Variants in PIAS2 observed in about 807,000 individuals in gnomAD.
PIAS2 encodes the protein protein inhibitor of activated STAT 2, also known as E3 SUMO-protein ligase PIAS2.
Under a neutral mutation model 69.7 loss-of-function variants are expected in PIAS2, and 19 were observed. That is an observed-to-expected ratio of 0.27 (90% confidence interval 0.19 to 0.40). PIAS2 has a LOEUF of 0.40. Ranked by LOEUF, PIAS2 falls within the 10% of genes least tolerant of loss-of-function variation. The pLI, the probability that PIAS2 is intolerant of heterozygous loss-of-function variation, is 1.00. For missense variants in PIAS2, 624 were observed against 757.0 expected (o/e 0.82, Z 2.06); for synonymous variants, 261 against 263.2 (o/e 0.99, Z 0.08).
In PIAS2 at chr18:46,870,615, C is replaced by CAAAAAAA. The variant is rs58099640; in HGVS notation, c.500-6374_500-6368dup. On this transcript the variant is annotated intron_variant, in intron 2 of 13. Coordinates refer to ENST00000585916, the MANE Select transcript of PIAS2 (RefSeq NM_004671.5). ...TGGGCAACAGAGCAAGACTCCGTCT[C>CAAAAAAA]AAAAAAAAAAAAAAAAAAAAAAAAA... 7.5e-4 allele frequency among the ~76,000 whole-genome samples: 41 copies of CAAAAAAA among 54,934 alleles called. 3 individuals carry two copies. The highest frequency in any genetic ancestry group is 2.1e-3 in the South Asian group (2 of 942). 36.0% of individuals were successfully genotyped at this position (54,934 alleles called of 152,430 possible). A position where few individuals can be genotyped will look rare whatever the true frequency, so the allele number is the denominator to read the frequency against.
rs1465519651 is a variant in PIAS2 at position 46,805,184 on chromosome 18, C to G, written c.*7249G>C. The G allele has an allele frequency of 6.6e-6, 1 of 152,134 alleles. No individual in the cohort carries two copies. Among genetic ancestry groups the G allele is most frequent in the Non-Finnish European group, 1.5e-5 (1 of 68,038 alleles). The allele number at this position is 152,134 out of a possible 1,614,324, so 9.4% of individuals were successfully genotyped here. A position where few individuals can be genotyped will look rare whatever the true frequency, so the allele number is the denominator to read the frequency against. On this transcript the variant is annotated 3_prime_UTR_variant, in exon 14 of 14. Transcript: ENST00000585916. ...GATGAGAATGGGCAAAGGAACTATG[C>G]TACGTCATGTCGGAGGATGGATAGG...
At chr18:46,869,782 CA>C (rs1221948824) in intron 2 of PIAS2, among the ~76,000 whole-genome samples, 1 of 152,146 alleles carries the variant, frequency 6.6e-6, no homozygotes, top group African/African-American at 2.4e-5. Flanking sequence ...GCCAAAGTTT[CA>C]GTCAAATGAG....
chr18:46,905,091 G>A (rs377389488), intron 1 of PIAS2, among the ~76,000 whole-genome samples: 11 of 152,156 alleles, frequency 7.2e-5, no homozygotes, highest in East Asian at 3.9e-4. Context: ...GTCTCTTCAT[G>A]TACAAATAAA....
At chr18:46,857,028 CAATT>C (rs968900852) in intron 3 of PIAS2, among the ~76,000 whole-genome samples, 3 of 152,198 alleles carry the variant, frequency 2.0e-5, no homozygotes, top group African/African-American at 7.2e-5. Context: ...GTTGCTGTGA[CAATT>C]AAACATGTTA....
At chr18:46,854,879 T>C in intron 5 of PIAS2, among the ~76,000 whole-genome samples, 1 of 152,208 alleles carries the variant, frequency 6.6e-6, no homozygotes, top group Admixed American at 6.5e-5. Flanking sequence ...CATGCTGTCC[T>C]ATACATGAAA....
rs757920479 is a variant in PIAS2, at chr18:46,821,008, T to C, written c.1573A>G (p.Ile525Val). ...GAGTAGTCTGTTAATGAAGGCGGAA[T>C]AGCAGCAGGATCAACCGAAGTCACA... ...PSVTSVDPAA[I>V]PPSLTDYSVP... The change falls in exon 12 of 14, where the codon ATT becomes GTT. Residue 525 changes from isoleucine (I) to valine (V), a missense_variant. By Grantham distance (29) the Ile-to-Val change is conservative. Transcript: ENST00000585916. 3.1e-6 allele frequency: 5 copies of C among 1,613,572 alleles called. No individual in the cohort carries two copies. The highest frequency in any genetic ancestry group is 2.7e-5 in the African/African-American group (2 of 75,010).
chr18:46,901,016 A>G (rs1178039268), intron 1 of PIAS2: 2 of 409,798 alleles, frequency 4.9e-6, no homozygotes, highest in Non-Finnish European at 9.4e-6. Flanking sequence ...ACTAACAACA[A>G]TTCAATATAA....
intron 8 of PIAS2, among the ~76,000 whole-genome samples, chr18:46,838,731 G>A (rs1448706162): frequency 6.6e-6 from 1 of 152,128 alleles, no homozygotes; most frequent in East Asian, 1.9e-4. Context: ...CTCCAGAAAA[G>A]CTGGTATCTA....
upstream of PIAS2, chr18:46,917,581 CCGCCTTCCGCCCG>C (rs2058135614): frequency 3.8e-6 from 4 of 1,060,680 alleles, no homozygotes; most frequent in East Asian, 6.7e-5. Flanking sequence ...ACCCGCGCGA[CCGCCTTCCGCCCG>C]CGCCTTCAGT....
At chr18:46,844,472 A>C (rs1329926380) in intron 7 of PIAS2, among the ~76,000 whole-genome samples, 3 of 152,130 alleles carry the variant, frequency 2.0e-5, no homozygotes, top group Non-Finnish European at 2.9e-5. Context: ...TTTATTATGC[A>C]CTATTGTTTG....
At chr18:46,844,609 T>A (rs1409599655) in intron 7 of PIAS2, 125 bp downstream of exon 7, 1 of 400,826 alleles carries the variant, frequency 2.5e-6, no homozygotes, top group Admixed American at 4.4e-5. Flanking sequence ...TAAATTAGTA[T>A]ATACACAAGC....
In PIAS2 at chr18:46,811,986, T is replaced by C. The variant is rs1368112737; in HGVS notation, c.*447A>G. 2.0e-5 allele frequency: 3 copies of C among 153,256 alleles called. No homozygotes were observed. The highest frequency in any genetic ancestry group is 4.4e-5 in the Non-Finnish European group (3 of 68,562). The allele number at this position is 153,256 out of a possible 1,614,324, so 9.5% of individuals were successfully genotyped here. On this transcript the variant is annotated 3_prime_UTR_variant, in exon 14 of 14. Coordinates refer to ENST00000585916, the MANE Select transcript of PIAS2 (RefSeq NM_004671.5). ...CTCATTCAGCAAACATTAAGTTCTT[T>C]CCATATATTTTTTTTCCTTCACGTA... is the stretch of plus-strand genomic sequence containing the variant.
chr18:46,847,139 C>T (rs2046268993), intron 5 of PIAS2, among the ~76,000 whole-genome samples: 1 of 152,136 alleles, frequency 6.6e-6, no homozygotes, highest in African/African-American at 2.4e-5. Context: ...TTTCATAGGA[C>T]ACCAAGCTTT....
At chr18:46,838,042 A>G (rs929591345) in intron 8 of PIAS2, among the ~76,000 whole-genome samples, 3 of 152,212 alleles carry the variant, frequency 2.0e-5, no homozygotes, top group Non-Finnish European at 4.4e-5. Context: ...ATAAAGTTTG[A>G]AAGAATTCAT....
intron 1 of PIAS2, among the ~76,000 whole-genome samples, chr18:46,902,566 A>T (rs900396025): frequency 6.6e-6 from 1 of 152,184 alleles, no homozygotes; most frequent in African/African-American, 2.4e-5. Flanking sequence ...GTCTCAAAAA[A>T]AAAAGAGAAA....
At chr18:46,904,241 T>G (rs758301009) in intron 1 of PIAS2, 1 of 152,328 alleles carries the variant, frequency 6.6e-6, no homozygotes, top group East Asian at 1.9e-4. Context: ...ACAGAATGTC[T>G]CTGTATTATT....
chr18:46,870,740 C>T (rs992989312), intron 2 of PIAS2, among the ~76,000 whole-genome samples: 1 of 151,172 alleles, frequency 6.6e-6, no homozygotes, highest in Non-Finnish European at 1.5e-5. Context: ...GAGTTAATGA[C>T]CATCCTGGGC....
chr18:46,916,895 A>T, intron 1 of PIAS2: 3 of 985,498 alleles, frequency 3.0e-6, no homozygotes, highest in Non-Finnish European at 3.6e-6. Flanking sequence ...AGCTTTCAGA[A>T]AACAGTCCTC....
intron 8 of PIAS2, among the ~76,000 whole-genome samples, chr18:46,837,461 CTATT>C (rs1222903222): frequency 6.6e-6 from 1 of 152,028 alleles, no homozygotes; most frequent in Admixed American, 6.6e-5. Flanking sequence ...CTTTTGTTAT[CTATT>C]TATAGGCACT....
Sources: allele counts gnomAD v4.1 joint callset (sites outside exome capture counted in the v4.1 genomes callset), GRCh38; gene constraint gnomAD v4.1.1; transcripts MANE v1.5; gene names NCBI Gene and HGNC (gene_info 2026-07-23, HGNC 2026-07-21).